Variants in FTO observed in about 807,000 individuals in gnomAD.
FTO encodes the protein alpha-ketoglutarate-dependent dioxygenase FTO.
FTO carries 47 observed loss-of-function variants against 63.9 expected under a neutral mutation model. That is an observed-to-expected ratio of 0.74 (90% CI 0.58 to 0.94). The LOEUF is 0.94. FTO is among the 40% of genes least tolerant of loss of function. The pLI, the probability that FTO is intolerant of heterozygous loss-of-function variation, is 0.00. For synonymous variants in FTO, 207 were observed against 224.4 expected, an observed-to-expected ratio of 0.92 and a Z score of 0.69; for missense variants, 562 against 618.1, an observed-to-expected ratio of 0.91 and a Z score of 0.96.
chr16:53,893,482 T>A (rs1350914025), intron 7 of FTO, among the ~76,000 whole-genome samples: 1 of 152,172 alleles, frequency 6.6e-6, no homozygotes, highest in Non-Finnish European at 1.5e-5. Context: ...AGTCTTGCTG[T>A]AGCCAGAGAT....
chr16:53,787,662 T>C (rs531547954), intron 1 of FTO, among the ~76,000 whole-genome samples: 3 of 152,324 alleles, frequency 2.0e-5, no homozygotes, highest in African/African-American at 7.2e-5. Context: ...AATGTTGAAA[T>C]CTCATCTGTA....
At chr16:53,713,758 C>T (rs1458801396) in intron 1 of FTO, among the ~76,000 whole-genome samples, 1 of 152,168 alleles carries the variant, frequency 6.6e-6, no homozygotes, top group East Asian at 1.9e-4. Flanking sequence ...GATCTACTCT[C>T]TTACCACATT....
At chr16:53,874,469 G>A (rs2080590442) in intron 5 of FTO, among the ~76,000 whole-genome samples, 1 of 152,190 alleles carries the variant, frequency 6.6e-6, no homozygotes, top group Admixed American at 6.5e-5. Flanking sequence ...TATTAGTCAT[G>A]TTGGGGTCCC....
chr16:53,731,943 C>G (rs1408922177), intron 1 of FTO, among the ~76,000 whole-genome samples: 1 of 151,536 alleles, frequency 6.6e-6, no homozygotes, highest in Non-Finnish European at 1.5e-5. Flanking sequence ...CCCGGCTGGT[C>G]TCAAACTCCT....
intron 4 of FTO, among the ~76,000 whole-genome samples, chr16:53,861,405 A>G (rs1650667564): frequency 6.6e-6 from 1 of 152,090 alleles, no homozygotes; most frequent in African/African-American, 2.4e-5. Context: ...TATTATTTTA[A>G]ATGTCATTTA....
intron 6 of FTO, among the ~76,000 whole-genome samples, chr16:53,888,298 G>A (rs942280917): frequency 8.7e-6 from 1 of 115,136 alleles, no homozygotes; most frequent in Admixed American, 1.0e-4. Flanking sequence ...CAAACTCCTA[G>A]GCTCAGGGAA....
At chr16:53,757,608 A>G (rs1192961534) in intron 1 of FTO, among the ~76,000 whole-genome samples, 1 of 152,082 alleles carries the variant, frequency 6.6e-6, no homozygotes, top group African/African-American at 2.4e-5. Flanking sequence ...ATGCCCAAGT[A>G]TATTATCTAA....
At chr16:53,854,418 A>G (rs914624595) in intron 4 of FTO, among the ~76,000 whole-genome samples, 2 of 152,110 alleles carry the variant, frequency 1.3e-5, no homozygotes, top group African/African-American at 4.8e-5. Flanking sequence ...TAGAATTTTT[A>G]TGGGCTCAGG....
At chr16:54,051,144 C>T (rs2085302133) in intron 8 of FTO, among the ~76,000 whole-genome samples, 1 of 152,184 alleles carries the variant, frequency 6.6e-6, no homozygotes, top group Non-Finnish European at 1.5e-5. Flanking sequence ...AGCATCTTCT[C>T]AACTGCTAAC....
At chr16:53,908,586 G>C (rs886356815) in intron 7 of FTO, among the ~76,000 whole-genome samples, 16 of 152,208 alleles carry the variant, frequency 1.1e-4, no homozygotes, top group Admixed American at 9.8e-4. Context: ...CCCTGTGCCT[G>C]TCTAGGTTGG....
chr16:53,942,668 T>G (rs2082557729), intron 8 of FTO, among the ~76,000 whole-genome samples: 1 of 152,312 alleles, frequency 6.6e-6, no homozygotes, highest in Non-Finnish European at 1.5e-5. Context: ...GTTATGAACT[T>G]TAGCGTTGGT....
At chr16:54,095,068 T>C (rs2144570798) in intron 8 of FTO, among the ~76,000 whole-genome samples, 1 of 152,178 alleles carries the variant, frequency 6.6e-6, no homozygotes, top group Admixed American at 6.5e-5. Context: ...TGCCTAACTC[T>C]TTTTTCTTTC....
intron 1 of FTO, among the ~76,000 whole-genome samples, chr16:53,718,976 G>C (rs763308062): frequency 6.6e-6 from 1 of 152,124 alleles, no homozygotes. Context: ...CATACATGTT[G>C]AACATAATTC....
intron 8 of FTO, chr16:53,981,293 C>G (rs2083537717): frequency 6.6e-6 from 1 of 152,364 alleles, no homozygotes; most frequent in Non-Finnish European, 1.5e-5. Flanking sequence ...CCACTGCATT[C>G]CAGCCTAGGC....
Position 54,080,124 on chromosome 16 carries a change from C to T in FTO, c.1365-31638C>T, listed in dbSNP as rs186692552. Among the ~76,000 whole-genome samples, 213 of 152,172 alleles carry T rather than the reference C, an allele frequency of 1.4e-3. 1 individual carries two copies. The highest frequency in any genetic ancestry group is 9.0e-4 in the Non-Finnish European group (61 of 68,010). On this transcript the variant is annotated intron_variant, in intron 8 of 8. Transcript: ENST00000471389. ...AGAGTAGGCCAGGCATGGTGGCTCA[C>T]GTCTGTAATCCCAGCACTTTGGGAG...
chr16:54,093,039 T>A (rs2086429786), intron 8 of FTO, among the ~76,000 whole-genome samples: 1 of 152,156 alleles, frequency 6.6e-6, no homozygotes, highest in Non-Finnish European at 1.5e-5. Context: ...CAAAATAAAT[T>A]AATGGTAGAC....
chr16:54,010,089 GT>G (rs1405691131), intron 8 of FTO, among the ~76,000 whole-genome samples: 2 of 152,154 alleles, frequency 1.3e-5, no homozygotes, highest in African/African-American at 4.8e-5. Context: ...GGTCCTTTTA[GT>G]TGTTGCTAGG....
chr16:53,786,882 C>T (rs891005054), intron 1 of FTO, among the ~76,000 whole-genome samples: 12 of 151,756 alleles, frequency 7.9e-5, no homozygotes, highest in Non-Finnish European at 1.3e-4. Context: ...GAGGCTGAGG[C>T]GGGCAGATCA....
chr16:53,950,697 C>T (rs1466859399), intron 8 of FTO, among the ~76,000 whole-genome samples: 6 of 152,190 alleles, frequency 3.9e-5, no homozygotes, highest in Non-Finnish European at 8.8e-5. Context: ...ATTAATAACA[C>T]ACAAATAGAA....
Sources: allele counts gnomAD v4.1 joint callset (sites outside exome capture counted in the v4.1 genomes callset), GRCh38; gene constraint gnomAD v4.1.1; transcripts MANE v1.5; gene names NCBI Gene and HGNC (gene_info 2026-07-23, HGNC 2026-07-21).